SFI1: variants seen among roughly 807,000 people sequenced by gnomAD.
SFI1 encodes the protein protein SFI1 homolog.
A neutral mutation model predicts 207.5 loss-of-function variants in SFI1; 195 were observed. The observed-to-expected ratio is 0.94, with a 90% CI of 0.84 to 1.06. SFI1 has a LOEUF of 1.06. Ranked by LOEUF, SFI1 falls within the 50% of genes least tolerant of loss-of-function variation. The probability of loss-of-function intolerance (pLI) is 0.00; values close to 1 mark genes in which losing one functional copy is unlikely to be tolerated. For missense variants in SFI1, 1,634 were observed against 1,588.0 expected, an observed-to-expected ratio of 1.03 and a Z score of -0.49; for synonymous variants, 630 against 598.9, an observed-to-expected ratio of 1.05 and a Z score of -0.76.
At chr22:31,555,383 A>G (rs1002404953) in intron 6 of SFI1, among the ~76,000 whole-genome samples, 1 of 152,134 alleles carries the variant, frequency 6.6e-6, no homozygotes, top group African/African-American at 2.4e-5. Context: ...CAGCTACTCA[A>G]GAGGCAAGAG....
chr22:31,530,220 G>T (rs2058355123), intron 3 of SFI1, among the ~76,000 whole-genome samples: 1 of 138,866 alleles, frequency 7.2e-6, no homozygotes. Flanking sequence ...GCCGGGCGCG[G>T]TGGCTCACAC....
chr22:31,541,707 G>A (rs2059505407), intron 4 of SFI1, among the ~76,000 whole-genome samples: 1 of 137,974 alleles, frequency 7.2e-6, no homozygotes, highest in African/African-American at 2.8e-5. Flanking sequence ...TGGTGCCACT[G>A]CACTCCAGCC....
chr22:31,595,231 C>T (rs533914742), intron 15 of SFI1, among the ~76,000 whole-genome samples: 179 of 151,938 alleles, frequency 1.2e-3, no homozygotes, highest in Non-Finnish European at 1.9e-3. Flanking sequence ...CTCCTGACCT[C>T]GTGATCCACC....
At chr22:31,520,374 G>T (rs1245325664) in intron 2 of SFI1, among the ~76,000 whole-genome samples, 4 of 151,936 alleles carry the variant, frequency 2.6e-5, no homozygotes, top group South Asian at 4.1e-4. Context: ...TTTTGAGCAG[G>T]ATTATAAGCT....
At chr22:31,583,137 G>C (rs1163496437) in intron 12 of SFI1, among the ~76,000 whole-genome samples, 1 of 151,996 alleles carries the variant, frequency 6.6e-6, no homozygotes, top group African/African-American at 2.4e-5. Context: ...GTTTGAGATG[G>C]AGTTTCACTC....
chr22:31,549,315 A>AAAAAAG (rs2060406321), intron 5 of SFI1, among the ~76,000 whole-genome samples: 1 of 148,242 alleles, frequency 6.7e-6, no homozygotes, highest in African/African-American at 2.5e-5. Context: ...AAAAAAAAAA[A>AAAAAAG]GACAAGATTG....
At chr22:31,614,520 G>A (rs889015216) in intron 27 of SFI1, 1 of 651,508 alleles carries the variant, frequency 1.5e-6, no homozygotes, top group African/African-American at 1.8e-5. Context: ...CTGTGACATG[G>A]ACCCTGGCGA....
chr22:31,498,667 T>C (rs1601732957), intron 1 of SFI1, among the ~76,000 whole-genome samples: 1 of 148,216 alleles, frequency 6.7e-6, no homozygotes, highest in South Asian at 2.2e-4. Flanking sequence ...AAAAAAATCA[T>C]TAAAAGGAGT....
At chr22:31,609,860 C>T (rs2069759130) in intron 22 of SFI1, among the ~76,000 whole-genome samples, 1 of 152,216 alleles carries the variant, frequency 6.6e-6, no homozygotes, top group African/African-American at 2.4e-5. Flanking sequence ...GCTTCAAGCT[C>T]CAGAGGCTTT....
At chr22:31,582,767 A>G (rs1325610369) in intron 12 of SFI1, among the ~76,000 whole-genome samples, 2 of 152,018 alleles carry the variant, frequency 1.3e-5, no homozygotes, top group Non-Finnish European at 2.9e-5. Flanking sequence ...TGTCTCTATA[A>G]ATTAGATTAT....
At chr22:31,554,413 A>G (rs945536328) in intron 6 of SFI1, among the ~76,000 whole-genome samples, 6 of 151,728 alleles carry the variant, frequency 4.0e-5, no homozygotes, top group Admixed American at 6.6e-5. Context: ...GATTCACGCC[A>G]TTCTCCTACC....
chr22:31,594,690 C>T (rs531143426), intron 15 of SFI1, among the ~76,000 whole-genome samples: 5 of 150,888 alleles, frequency 3.3e-5, no homozygotes, highest in Admixed American at 2.6e-4. Context: ...CCTGTCTCTG[C>T]TAAAAATACA....
chr22:31,580,060 T>C (rs985983080), intron 11 of SFI1: 19 of 495,760 alleles, frequency 3.8e-5, no homozygotes, highest in Non-Finnish European at 6.2e-5. Flanking sequence ...TCAGCAAATA[T>C]TTATTAAGTG....
chr22:31,548,907 CAAG>C (rs768580465), intron 5 of SFI1, among the ~76,000 whole-genome samples: 3 of 151,740 alleles, frequency 2.0e-5, no homozygotes, highest in Non-Finnish European at 4.4e-5. Flanking sequence ...GTGTATGTAT[CAAG>C]AAGAAGGAAA....
chr22:31,598,427 A>T (rs1410788144), intron 15 of SFI1, among the ~76,000 whole-genome samples: 1 of 151,432 alleles, frequency 6.6e-6, no homozygotes, highest in African/African-American at 2.4e-5. Context: ...TTCCGTCATC[A>T]TAGGTTAGTT....
chr22:31,551,703 A>G (rs1321340875), intron 6 of SFI1, among the ~76,000 whole-genome samples: 1 of 152,152 alleles, frequency 6.6e-6, no homozygotes, highest in Non-Finnish European at 1.5e-5. Flanking sequence ...AGTGCTGGCA[A>G]TACAGGTGTG....
chr22:31,582,142 C>G (rs1161564867), intron 12 of SFI1, among the ~76,000 whole-genome samples: 1 of 120,992 alleles, frequency 8.3e-6, no homozygotes, highest in Non-Finnish European at 1.6e-5. Context: ...GATTTTGTTG[C>G]TATATTTCTT....
At chr22:31,550,223 G>T in intron 5 of SFI1, 31 bp from the exon 6 acceptor site, 1 of 1,589,620 alleles carries the variant, frequency 6.3e-7, no homozygotes, top group South Asian at 1.1e-5. Context: ...TTATTTTGAA[G>T]AAATGCCATT....
intron 2 of SFI1, among the ~76,000 whole-genome samples, chr22:31,514,524 A>T (rs12485131): frequency 0.011 from 1,605 of 150,582 alleles, 82 homozygotes; most frequent in Admixed American, 0.065. Flanking sequence ...AAAAAAAAAA[A>T]AAAAAAATCA....
Sources: gnomAD v4.1 joint callset for allele counts (sites outside exome capture counted in the v4.1 genomes callset) on GRCh38, gnomAD v4.1.1 for gene constraint, MANE v1.5 for transcripts, NCBI Gene and HGNC (gene_info 2026-07-23, HGNC 2026-07-21) for gene names.